Variants in NRXN3 observed in about 807,000 individuals in gnomAD.
NRXN3 encodes the protein neurexin 3, also known as neurexin III.
A neutral mutation model predicts 137.6 loss-of-function variants in NRXN3; 32 were observed. That is an observed-to-expected ratio of 0.23 (90% CI 0.18 to 0.31). The LOEUF is 0.31. NRXN3 is among the 10% of genes least tolerant of loss of function. NRXN3 has a pLI of 1.00. For synonymous variants in NRXN3, 798 were observed against 784.5 expected, an observed-to-expected ratio of 1.02 and a Z score of -0.29; for missense variants, 1,574 against 2,062.5, an observed-to-expected ratio of 0.76 and a Z score of 4.59.
In NRXN3 at chr14:79,795,088, A is replaced by T. The variant is rs77686590; in HGVS notation, c.4015-10024A>T. On this transcript the variant is annotated intron_variant, in intron 19 of 20. Transcript: ENST00000335750. ...CTGTGATTACACCTGCTACATTTCCAACACCCATTTTGACAGCAAATGAGT... is the reference window on the plus strand; with the variant it reads ...CTGTGATTACACCTGCTACATTTCCTACACCCATTTTGACAGCAAATGAGT... Among the ~76,000 whole-genome samples the T allele has an allele frequency of 2.2e-3, 335 of 152,324 alleles. 10 individuals carry two copies. The East Asian group carries it at 0.043, about 20-fold the overall frequency.
intron 16 of NRXN3, among the ~76,000 whole-genome samples, chr14:79,652,029 C>T (rs192689925): frequency 3.3e-5 from 5 of 152,150 alleles, no homozygotes; most frequent in South Asian, 2.1e-4. Context: ...TGTTTAAGGA[C>T]GATATTACAG....
At chr14:79,854,598 A>C (rs527902305) in intron 20 of NRXN3, among the ~76,000 whole-genome samples, 22 of 152,264 alleles carry the variant, frequency 1.4e-4, no homozygotes, top group African/African-American at 5.3e-4. Flanking sequence ...TCTTTGCCTG[A>C]ACTTTTTCAC....
Position 78,243,553 on chromosome 14 carries a change from A to G in NRXN3, c.460A>G (p.Thr154Ala). ...VSDLFLGGVP[T>A]DIRPSALTLD... ...TGACTTGTTCCTTGGTGGAGTCCCT[A>G]CTGACATACGACCTTCTGCCCTGAC... The change falls in exon 2 of 21, where the codon ACT becomes GCT. Residue 154 changes from threonine (T) to alanine (A), a missense_variant. Thr to Ala is a moderately conservative substitution (Grantham distance 58). This residue lies in a region of NRXN3 where 400 missense variants were observed against 527.3 expected (regional missense o/e 0.76). Coordinates refer to ENST00000335750, the MANE Select transcript of NRXN3 (RefSeq NM_001330195.2). The surrounding 1 kb of genome is among the most constrained non-coding windows in gnomAD (Gnocchi z 4.2). 6.3e-7 allele frequency: 1 copy of G among 1,598,128 alleles called. No individual in the cohort carries two copies. The highest frequency in any genetic ancestry group is 8.5e-7 in the Non-Finnish European group (1 of 1,179,680).
At chr14:78,534,764 C>T (rs1035857176) in intron 4 of NRXN3, among the ~76,000 whole-genome samples, 3 of 152,194 alleles carry the variant, frequency 2.0e-5, no homozygotes, top group Non-Finnish European at 4.4e-5. Context: ...AAAGGTAGCA[C>T]TTTGGTATTC....
chr14:78,953,213 G>T (rs2099390360), intron 10 of NRXN3, among the ~76,000 whole-genome samples: 1 of 151,416 alleles, frequency 6.6e-6, no homozygotes, highest in Non-Finnish European at 1.5e-5. Flanking sequence ...CTGATTTTCT[G>T]TCTGCCAAAA....
intron 19 of NRXN3, among the ~76,000 whole-genome samples, chr14:79,764,144 TTTTC>T (rs1472027877): frequency 1.8e-5 from 2 of 110,500 alleles, no homozygotes; most frequent in African/African-American, 7.6e-5. Context: ...GGTTACTGGT[TTTTC>T]TTTTTCTTTT....
At chr14:79,019,787 G>A (rs1268654558) in intron 15 of NRXN3, among the ~76,000 whole-genome samples, 6 of 152,098 alleles carry the variant, frequency 3.9e-5, no homozygotes, top group African/African-American at 1.4e-4. Flanking sequence ...AAGTAAGAGA[G>A]CAAGACCAAT....
At chr14:78,636,645 G>A (rs2097569574) in intron 4 of NRXN3, among the ~76,000 whole-genome samples, 1 of 152,126 alleles carries the variant, frequency 6.6e-6, no homozygotes, top group East Asian at 1.9e-4. Context: ...TTCAATGCTT[G>A]TTTGATTGAC....
intron 20 of NRXN3, among the ~76,000 whole-genome samples, chr14:79,847,246 C>T (rs2141620429): frequency 6.6e-6 from 1 of 152,304 alleles, no homozygotes. Context: ...TTCCAATCTC[C>T]ATCTCCACAC....
intron 16 of NRXN3, among the ~76,000 whole-genome samples, chr14:79,650,211 T>C (rs1445618435): frequency 2.0e-5 from 3 of 152,176 alleles, no homozygotes; most frequent in Non-Finnish European, 2.9e-5. Context: ...TTGTTTTTTC[T>C]ACACAGAAGA....
intron 15 of NRXN3, among the ~76,000 whole-genome samples, chr14:79,432,193 G>A (rs542583553): frequency 5.3e-5 from 8 of 151,936 alleles, no homozygotes; most frequent in African/African-American, 1.4e-4. Flanking sequence ...TAACCACTTC[G>A]GATTATGACA....
At chr14:79,729,562 C>G (rs927608193) in intron 19 of NRXN3, among the ~76,000 whole-genome samples, 5 of 152,196 alleles carry the variant, frequency 3.3e-5, no homozygotes, top group Admixed American at 6.5e-5. Flanking sequence ...TAAGCAATCT[C>G]CCCACAGAGA....
At chr14:78,656,087 A>G (rs922761066) in intron 6 of NRXN3, among the ~76,000 whole-genome samples, 2 of 152,148 alleles carry the variant, frequency 1.3e-5, no homozygotes, top group African/African-American at 4.8e-5. Flanking sequence ...AACTTTGGAG[A>G]ACACAAACAT....
chr14:78,799,058 T>C (rs983214201), intron 8 of NRXN3, among the ~76,000 whole-genome samples: 2 of 152,366 alleles, frequency 1.3e-5, no homozygotes, highest in Non-Finnish European at 2.9e-5. Flanking sequence ...CTCATTGTCT[T>C]GGCGATTAAC....
chr14:78,731,566 T>G (rs34442526), intron 8 of NRXN3, among the ~76,000 whole-genome samples: 110,412 of 150,828 alleles, frequency 0.73, 40,874 homozygotes, highest in East Asian at 0.81. Flanking sequence ...TTAACATATC[T>G]GTATGCTTTA....
rs187864074 is a variant in NRXN3 at position 78,695,951 on chromosome 14, G to A, written c.1222-13266G>A. Reference sequence around the variant, plus strand: ...TGCAGATGTTTCTTGACTTCTTCATGTCTTTTCCACCTCTTTCATATAATC... The same window carrying A: ...TGCAGATGTTTCTTGACTTCTTCATATCTTTTCCACCTCTTTCATATAATC... On this transcript the variant is annotated intron_variant, in intron 6 of 20. Coordinates refer to ENST00000335750, the MANE Select transcript of NRXN3 (RefSeq NM_001330195.2). Among the ~76,000 whole-genome samples the A allele has an allele frequency of 1.4e-4, 21 of 152,126 alleles. 1 individual carries two copies. Among genetic ancestry groups the A allele is most frequent in the Admixed American group, 3.3e-4 (5 of 15,272 alleles).
chr14:79,471,942 G>A (rs2096514833), intron 16 of NRXN3, among the ~76,000 whole-genome samples: 1 of 152,040 alleles, frequency 6.6e-6, no homozygotes. Flanking sequence ...CATCGCCCAG[G>A]TATTAAGCTT....
intron 4 of NRXN3, among the ~76,000 whole-genome samples, chr14:78,601,035 T>A (rs2097197526): frequency 1.3e-5 from 2 of 152,184 alleles, no homozygotes; most frequent in South Asian, 4.1e-4. Context: ...ACTGCCCTAG[T>A]TCAGGGTTTC....
chr14:78,991,524 G>C (rs2099518886), intron 15 of NRXN3, among the ~76,000 whole-genome samples: 1 of 152,162 alleles, frequency 6.6e-6, no homozygotes, highest in Non-Finnish European at 1.5e-5. Flanking sequence ...CTGTTTCTCA[G>C]GGCAACAGAT....
Sources: gnomAD v4.1 joint callset for allele counts (sites outside exome capture counted in the v4.1 genomes callset) on GRCh38, gnomAD v4.1.1 for gene constraint, gnomAD v4.1.1 regional missense constraint, Gnocchi (gnomAD v3.1) non-coding constraint, MANE v1.5 for transcripts, NCBI Gene and HGNC (gene_info 2026-07-23, HGNC 2026-07-21) for gene names.